The following TAAR9 variants were observed in gnomAD, a reference collection of about 807,000 sequenced individuals.
TAAR9 encodes the protein trace amine-associated receptor 9.
For missense variants in TAAR9, 453 were observed against 409.4 expected, an observed-to-expected ratio of 1.11 and a Z score of -0.92; for synonymous variants, 162 against 152.6, an observed-to-expected ratio of 1.06 and a Z score of -0.45.
In TAAR9 at chr6:132,538,946, G is replaced by GAT. The variant is rs769031414; in HGVS notation, c.660_661dup (p.Phe221TyrfsTer12). On this transcript the variant is annotated frameshift_variant, in exon 1 of 1. Coordinates refer to ENST00000434551, the Ensembl canonical transcript of TAAR9. LOFTEE classifies it low-confidence loss of function (END_TRUNC). ...TCGCCATGGTGTTTATATACAGTAA[G>GAT]ATATTTTTGGTGGCCAAGCATCAGG... is the stretch of plus-strand genomic sequence containing the variant. 20 of 1,555,646 alleles carry GAT rather than the reference G, an allele frequency of 1.3e-5. No homozygotes were observed. The African/African-American group carries it at 1.8e-4, about 14-fold the overall frequency.
chr6:132,538,567 C>A (rs1373828970), exon 1 of TAAR9: 10 of 1,595,542 alleles, frequency 6.3e-6, no homozygotes, highest in Non-Finnish European at 8.5e-6. Flanking sequence ...ACAGTGAGGT[C>A]TGTGGAGAGC....
exon 1 of TAAR9, chr6:132,538,804 C>T (rs1329323277): frequency 6.2e-7 from 1 of 1,613,750 alleles, no homozygotes; most frequent in Non-Finnish European, 8.5e-7. Context: ...TACACGGGAG[C>T]CAACGAAGAA....
chr6:132,539,171 G>T lies in TAAR9; in HGVS notation c.882G>T (p.Glu294Asp), dbSNP rs1186745883. Residue 294 changes from glutamate to aspartate, a missense_variant, in exon 1 of 1, where the codon GAG becomes GAT. Physicochemically the swap from Glu to Asp is conservative, Grantham distance 45. Transcript: ENST00000434551. ...TTATAACTCCTCCTTATGTTTATGA[G>T]ATTTTAGTTTGGTGTGTTTATTATA... 1.9e-6 allele frequency: 3 copies of T among 1,589,564 alleles called. No homozygotes were observed. In the South Asian group the frequency reaches 3.5e-5, roughly 18 times the overall value.
chr6:132,538,691 T>A (rs1459666642), exon 1 of TAAR9: 2 of 1,613,242 alleles, frequency 1.2e-6, no homozygotes, highest in East Asian at 4.5e-5. Flanking sequence ...ACATTGCTGT[T>A]ACTGATCCTC....
exon 1 of TAAR9, chr6:132,538,572 G>C: frequency 1.3e-6 from 2 of 1,595,738 alleles, no homozygotes; most frequent in Non-Finnish European, 1.7e-6. Context: ...GAGGTCTGTG[G>C]AGAGCTGTTG....
rs372695882 is a variant in TAAR9 at position 132,538,808 on chromosome 6, C to A, written c.519C>A (p.Asn173Lys). Residue 173 changes from asparagine (N) to lysine (K), a missense_variant, in exon 1 of 1, where the codon AAC becomes AAA. Coordinates refer to ENST00000434551, the Ensembl canonical transcript of TAAR9. ...TTTCGATCTTTTACACGGGAGCCAA[C>A]GAAGAAGGAATTGAGGAATTAGTAG... 4.3e-6 allele frequency: 7 copies of A among 1,613,688 alleles called. No homozygotes were observed. The African/African-American group carries it at 9.4e-5, about 22-fold the overall frequency.
exon 1 of TAAR9, chr6:132,538,319 T>C (rs757509478): frequency 1.9e-6 from 3 of 1,608,166 alleles, no homozygotes; most frequent in Middle Eastern, 1.7e-4. Context: ...AAGCTGAGGC[T>C]GTGGAGCTGT....
At chr6:132,539,054 G>A (rs1392970548) in exon 1 of TAAR9, 1 of 1,529,702 alleles carries the variant, frequency 6.5e-7, no homozygotes, top group Non-Finnish European at 8.7e-7. Flanking sequence ...GAGAGAGAAA[G>A]GCTGCCAAAA....
exon 1 of TAAR9, chr6:132,539,115 G>A (rs768127952): frequency 2.2e-5 from 34 of 1,559,182 alleles, no homozygotes; most frequent in Non-Finnish European, 2.4e-5. Flanking sequence ...ACCATACCTC[G>A]TTGATGCAGT....
exon 1 of TAAR9, chr6:132,539,202 G>T: frequency 6.2e-7 from 1 of 1,605,594 alleles, no homozygotes; most frequent in South Asian, 1.1e-5. Flanking sequence ...TTATAATTCA[G>T]CTATGAACCC....
At chr6:132,539,270 C>A in exon 1 of TAAR9, 1 of 1,612,916 alleles carries the variant, frequency 6.2e-7, no homozygotes, top group Non-Finnish European at 8.5e-7. Context: ...TTATTGTAAG[C>A]GGCAAGGTCT....
exon 1 of TAAR9, chr6:132,538,542 G>A: frequency 6.2e-7 from 1 of 1,609,318 alleles, no homozygotes; most frequent in Non-Finnish European, 8.5e-7. Flanking sequence ...GGGAGTCACT[G>A]TGATGCCCTT....
Position 132,538,902 on chromosome 6 carries a change from C to T in TAAR9, c.613C>T (p.Leu205=), listed in dbSNP as rs1415797545. ...AAACTGGGTCCTACTTTGTTTTCTT[C>T]TATTCTTTATACCCAATGTCGCCAT... The change falls in exon 1 of 1, where the codon CTA becomes TTA. Residue 205 remains leucine, a synonymous_variant. Coordinates refer to ENST00000434551, the Ensembl canonical transcript of TAAR9. 5 of 1,605,776 alleles carry T rather than the reference C, an allele frequency of 3.1e-6. No individual in the cohort carries two copies. The Admixed American group carries it at 8.5e-5, about 27-fold the overall frequency.
chr6:132,539,152 C>T (rs760021872), exon 1 of TAAR9: 1 of 1,578,380 alleles, frequency 6.3e-7, no homozygotes, highest in South Asian at 1.2e-5. Context: ...AATTTTATAA[C>T]TCCTCCTTAT....
At chr6:132,538,378 G>C (rs772697674) in exon 1 of TAAR9, 2 of 1,613,716 alleles carry the variant, frequency 1.2e-6, no homozygotes, top group East Asian at 4.5e-5. Flanking sequence ...TACTCGCCAG[G>C]TCCTCGATCT....
At chr6:132,539,229 T>C (rs1441657391) in exon 1 of TAAR9, 4 of 1,612,386 alleles carry the variant, frequency 2.5e-6, no homozygotes, top group Non-Finnish European at 3.4e-6. Flanking sequence ...TTATGCTTTC[T>C]TTTACCAATG....
exon 1 of TAAR9, chr6:132,539,202 G>A (rs1396026000): frequency 6.2e-7 from 1 of 1,605,594 alleles, no homozygotes; most frequent in East Asian, 2.2e-5. Context: ...TTATAATTCA[G>A]CTATGAACCC....
exon 1 of TAAR9, chr6:132,538,503 G>C (rs1776251225): frequency 6.2e-7 from 1 of 1,612,270 alleles, no homozygotes; most frequent in African/African-American, 1.3e-5. Context: ...CTTTCTGATT[G>C]CGTCGCTGGC....
chr6:132,538,571 G>A (rs367860427), exon 1 of TAAR9: 4 of 1,596,468 alleles, frequency 2.5e-6, no homozygotes, highest in African/African-American at 1.4e-5. Context: ...TGAGGTCTGT[G>A]GAGAGCTGTT....
Sources: allele counts gnomAD v4.1 joint callset, GRCh38; gene constraint gnomAD v4.1.1; transcripts MANE v1.5; gene names NCBI Gene and HGNC (gene_info 2026-07-23, HGNC 2026-07-21).